The following PTPRT variants were observed in gnomAD, a reference collection of about 807,000 sequenced individuals.
PTPRT encodes receptor-type tyrosine-protein phosphatase T.
A neutral mutation model predicts 176.8 loss-of-function variants in PTPRT; 56 were observed. That is an observed-to-expected ratio of 0.32 (90% confidence interval 0.26 to 0.40). The LOEUF (loss-of-function observed/expected upper bound fraction) is 0.40, where lower values mean the gene tolerates loss of function less well. PTPRT is among the 10% of genes least tolerant of loss of function. PTPRT has a pLI of 1.00. For synonymous variants in PTPRT, 783 were observed against 739.0 expected (o/e 1.06, Z -0.96); for missense variants, 1,540 against 1,908.2 (o/e 0.81, Z 3.60).
intron 7 of PTPRT, among the ~76,000 whole-genome samples, chr20:42,624,710 T>C (rs563188150): frequency 1.3e-5 from 2 of 152,250 alleles, no homozygotes; most frequent in East Asian, 1.9e-4. Context: ...GTGGGAAATA[T>C]GGGAGCAGCT....
intron 1 of PTPRT, among the ~76,000 whole-genome samples, chr20:42,921,431 A>C (rs913674367): frequency 2.0e-5 from 3 of 152,076 alleles, no homozygotes; most frequent in Non-Finnish European, 4.4e-5. Context: ...AAAAAATGTT[A>C]AAAGTTAGCT....
chr20:42,118,111 A>G (rs1215573824), intron 21 of PTPRT, among the ~76,000 whole-genome samples: 1 of 152,206 alleles, frequency 6.6e-6, no homozygotes. Flanking sequence ...TTGTAGATAC[A>G]AGTAGGATTG....
chr20:42,825,825 A>C (rs1367820237), intron 2 of PTPRT, among the ~76,000 whole-genome samples: 1 of 152,098 alleles, frequency 6.6e-6, no homozygotes, highest in East Asian at 1.9e-4. Flanking sequence ...AGCAGTGAAA[A>C]CTGAAGCCCG....
At chr20:42,434,662 G>GAAAAAA (rs10626020) in intron 9 of PTPRT, among the ~76,000 whole-genome samples, 2 of 137,726 alleles carry the variant, frequency 1.5e-5, no homozygotes, top group Non-Finnish European at 1.5e-5. Flanking sequence ...ATCTTCATAA[G>GAAAAAA]AAAAAAAAAA....
chr20:42,089,534 G>T (rs1023392084), intron 27 of PTPRT, among the ~76,000 whole-genome samples: 1 of 152,080 alleles, frequency 6.6e-6, no homozygotes, highest in African/African-American at 2.4e-5. Context: ...ATTCTACTAC[G>T]CCTCAAACAA....
intron 1 of PTPRT, among the ~76,000 whole-genome samples, chr20:43,073,320 C>T (rs1004140005): frequency 5.3e-5 from 8 of 152,150 alleles, no homozygotes; most frequent in African/African-American, 7.2e-5. Flanking sequence ...TGTTTCCATA[C>T]GTCTGTCTCT....
intron 13 of PTPRT, chr20:42,270,557 G>T: frequency 1.1e-6 from 1 of 946,164 alleles, no homozygotes; most frequent in Non-Finnish European, 1.6e-6. Context: ...CAATTCTTGT[G>T]GCTCTGAAGA....
intron 6 of PTPRT, among the ~76,000 whole-genome samples, chr20:42,742,973 G>A (rs1159041357): frequency 6.6e-6 from 1 of 152,158 alleles, no homozygotes; most frequent in Non-Finnish European, 1.5e-5. Flanking sequence ...GCTTGCTCAG[G>A]CACAGCAAAT....
chr20:42,232,716 C>T (rs532731727), intron 15 of PTPRT, among the ~76,000 whole-genome samples: 3 of 151,586 alleles, frequency 2.0e-5, no homozygotes, highest in Admixed American at 6.6e-5. Flanking sequence ...TATCTTCAGC[C>T]CCTTCCTTCT....
downstream of PTPRT, among the ~76,000 whole-genome samples, chr20:42,069,761 A>G (rs1982242806): frequency 6.6e-6 from 1 of 152,186 alleles, no homozygotes; most frequent in Admixed American, 6.5e-5. Flanking sequence ...CTATTCATGT[A>G]TTCCAAATGT....
intron 2 of PTPRT, among the ~76,000 whole-genome samples, chr20:42,851,789 T>C (rs2078476645): frequency 6.6e-6 from 1 of 152,226 alleles, no homozygotes; most frequent in Non-Finnish European, 1.5e-5. Flanking sequence ...TTTCAATACA[T>C]TTAATTTACA....
chr20:42,150,512 G>A (rs974083759), intron 17 of PTPRT, among the ~76,000 whole-genome samples: 6 of 152,174 alleles, frequency 3.9e-5, no homozygotes, highest in African/African-American at 1.4e-4. Flanking sequence ...CTCTCCTGGT[G>A]CAGGGAACAC....
At chr20:42,985,832 A>G (rs1312017681) in intron 1 of PTPRT, among the ~76,000 whole-genome samples, 1 of 152,096 alleles carries the variant, frequency 6.6e-6, no homozygotes, top group Non-Finnish European at 1.5e-5. Context: ...GGGAAGGTTG[A>G]TGCAGGTATC....
chr20:42,493,757 CTTCAGAAAGAAG>C (rs1481042737), intron 7 of PTPRT, among the ~76,000 whole-genome samples: 1 of 151,496 alleles, frequency 6.6e-6, no homozygotes, highest in African/African-American at 2.4e-5. Context: ...ACCCCTGGGA[CTTCAGAAAGAAG>C]TCTTCTGTCT....
chr20:42,796,371 T>G (rs531976196), intron 2 of PTPRT, among the ~76,000 whole-genome samples: 63 of 152,342 alleles, frequency 4.1e-4, no homozygotes, highest in African/African-American at 1.4e-3. Context: ...TGGATAGCAC[T>G]GGTCTTGAAG....
intron 7 of PTPRT, among the ~76,000 whole-genome samples, chr20:42,617,379 A>G (rs2074102102): frequency 7.4e-6 from 1 of 135,224 alleles, no homozygotes; most frequent in African/African-American, 3.3e-5. Flanking sequence ...ATGTTCATCA[A>G]GGATATTGGT....
intron 3 of PTPRT, among the ~76,000 whole-genome samples, chr20:42,783,974 G>A (rs1347762585): frequency 1.3e-5 from 2 of 152,130 alleles, no homozygotes; most frequent in Non-Finnish European, 2.9e-5. Context: ...GAGGGCCCAG[G>A]CTGAGAATTC....
intron 1 of PTPRT, among the ~76,000 whole-genome samples, chr20:43,041,155 A>G (rs1383777516): frequency 6.6e-6 from 1 of 152,142 alleles, no homozygotes; most frequent in Admixed American, 6.5e-5. Context: ...GAAAACTAAG[A>G]CTCGGAGAGC....
intron 1 of PTPRT, among the ~76,000 whole-genome samples, chr20:42,970,656 CCAGA>C (rs1160437418): frequency 1.3e-5 from 2 of 152,150 alleles, no homozygotes; most frequent in Non-Finnish European, 1.5e-5. Context: ...GCCTCTGCTC[CCAGA>C]CAGACAGATG....
Sources: allele counts gnomAD v4.1 joint callset (sites outside exome capture counted in the v4.1 genomes callset), GRCh38; gene constraint gnomAD v4.1.1; transcripts MANE v1.5; gene names NCBI Gene and HGNC (gene_info 2026-07-23, HGNC 2026-07-21).